Variants in FASTKD2 observed in about 807,000 individuals in gnomAD.
FASTKD2 encodes the protein FAST kinase domains 2.
FASTKD2 carries 51 observed loss-of-function variants against 63.6 expected under a neutral mutation model. The observed-to-expected ratio is 0.80, with a 90% confidence interval of 0.64 to 1.01. FASTKD2 has a LOEUF of 1.01. Ranked by LOEUF, FASTKD2 falls within the 50% of genes least tolerant of loss-of-function variation. The pLI is 0.00. For missense variants in FASTKD2, 786 were observed against 831.1 expected (o/e 0.95, Z 0.67); for synonymous variants, 284 against 293.4 (o/e 0.97, Z 0.33).
At chr2:206,773,053 G>A (rs1204531865) in intron 6 of FASTKD2, among the ~76,000 whole-genome samples, 14 of 152,054 alleles carry the variant, frequency 9.2e-5, no homozygotes, top group African/African-American at 3.4e-4. Flanking sequence ...GGTGGCTCAC[G>A]CCTGTAATCC....
chr2:206,780,070 T>A (rs1486357800), intron 7 of FASTKD2, among the ~76,000 whole-genome samples: 1 of 152,238 alleles, frequency 6.6e-6, no homozygotes, highest in Non-Finnish European at 1.5e-5. Flanking sequence ...TCTTTTTATA[T>A]TGTATATCCA....
Position 206,771,969 on chromosome 2 carries a change from A to G in FASTKD2, c.1066A>G (p.Asn356Asp), listed in dbSNP as rs1468158800. ...QHMFEVLAAM[N>D]HRSLILLDEC... ...CATGTTTGAAGTACTAGCTGCCATG[A>G]ATCACCGATCTCTTATACTCCTGGA... The change falls in exon 5 of 12, where the codon AAT becomes GAT. Residue 356 changes from asparagine (N) to aspartate (D), a missense_variant. Transcript: ENST00000402774. 3.7e-6 allele frequency: 6 copies of G among 1,613,280 alleles called. No homozygotes were observed. The highest frequency in any genetic ancestry group is 4.2e-6 in the Non-Finnish European group (5 of 1,179,210).
In FASTKD2 at chr2:206,770,142, T is replaced by C. The variant is rs1574663076; in HGVS notation, c.829T>C (p.Leu277=). The part of the protein sequence containing the change: ...EICLSVLSTV[L]EAMEPCKNVH... ...ATGCCTTTCAGTTTTGTCAACTGTTTTAGAGGCAATGGAACCATGCAAGAA... is the reference window on the plus strand; with the variant it reads ...ATGCCTTTCAGTTTTGTCAACTGTTCTAGAGGCAATGGAACCATGCAAGAA... Residue 277 remains leucine, a synonymous_variant, in exon 3 of 12, where the codon TTA becomes CTA. Coordinates refer to ENST00000402774, the MANE Select transcript of FASTKD2 (RefSeq NM_001136193.2). 1 of 1,612,580 alleles carries C rather than the reference T, an allele frequency of 6.2e-7. No homozygotes were observed. Among genetic ancestry groups the C allele is most frequent in the East Asian group, 2.2e-5 (1 of 44,860 alleles).
chr2:206,770,230 C>G (rs1408993055), intron 3 of FASTKD2, 36 bp downstream of exon 3: 2 of 1,270,600 alleles, frequency 1.6e-6, no homozygotes, highest in Non-Finnish European at 2.3e-6. Flanking sequence ...ATGTGGTTTT[C>G]TTTGTTCCTC....
In FASTKD2 at chr2:206,791,852, A is replaced by G; in HGVS notation, c.*50A>G. ...AGGAGACATGCATTTGTAAAAATTA[A>G]TAAAGATGACAAGTCAGTTGTCAAT... On this transcript the variant is annotated 3_prime_UTR_variant, in exon 12 of 12. Coordinates refer to ENST00000402774, the MANE Select transcript of FASTKD2 (RefSeq NM_001136193.2). 6.4e-7 allele frequency: 1 copy of G among 1,561,826 alleles called. No homozygotes were observed. The highest frequency in any genetic ancestry group is 8.8e-7 in the Non-Finnish European group (1 of 1,140,488).
At position 206,778,641 on chromosome 2, in the gene FASTKD2, T is replaced by C. The variant is rs142345242; in HGVS notation, c.1427+4244T>C. 2.4e-3 allele frequency among the ~76,000 whole-genome samples: 370 copies of C among 152,060 alleles called. 4 individuals carry two copies. The highest frequency in any genetic ancestry group is 8.4e-3 in the African/African-American group (350 of 41,510). Reference sequence around the variant, plus strand: ...TGGTGCTATTGGCTGGAATGTTCTGTATGTGTCTGTTATATCCATTTCATC... The same window carrying C: ...TGGTGCTATTGGCTGGAATGTTCTGCATGTGTCTGTTATATCCATTTCATC... On this transcript the variant is annotated intron_variant, in intron 7 of 11. Transcript: ENST00000402774.
At chr2:206,779,993 ACTTC>A (rs1396169313) in intron 7 of FASTKD2, among the ~76,000 whole-genome samples, 3 of 152,314 alleles carry the variant, frequency 2.0e-5, no homozygotes, top group Admixed American at 2.0e-4. Context: ...AAACAACTTA[ACTTC>A]CATTGCATAC....
intron 7 of FASTKD2, among the ~76,000 whole-genome samples, chr2:206,774,889 G>A (rs1270015501): frequency 6.6e-6 from 1 of 151,836 alleles, no homozygotes; most frequent in Non-Finnish European, 1.5e-5. Flanking sequence ...TATACCTGTT[G>A]AATAGCAACT....
At chr2:206,790,290 G>T in intron 10 of FASTKD2, 4 of 369,290 alleles carry the variant, frequency 1.1e-5, no homozygotes, top group South Asian at 1.0e-4. Flanking sequence ...CTTAAAATTG[G>T]TGCTTTCATG....
chr2:206,781,694 G>A (rs1240810329), intron 7 of FASTKD2, among the ~76,000 whole-genome samples: 1 of 136,060 alleles, frequency 7.3e-6, no homozygotes, highest in African/African-American at 2.8e-5. Context: ...TTTTTTTCCA[G>A]TATCAGGGAA....
chr2:206,781,304 ATTTTTTTTT>A (rs71034473), intron 7 of FASTKD2, among the ~76,000 whole-genome samples: 1,402 of 75,928 alleles, frequency 0.018, 24 homozygotes, highest in African/African-American at 0.05. Context: ...TTTTTCTATG[ATTTTTTTTT>A]TTTTTTTTTT....
chr2:206,771,127 TTTTC>T, intron 3 of FASTKD2, 51 bp from the exon 4 acceptor site: 1 of 1,118,644 alleles, frequency 8.9e-7, no homozygotes, highest in South Asian at 1.3e-5. Flanking sequence ...ATTTTAAGAT[TTTTC>T]TTCTGCTTTG....
rs773204760 is a variant in FASTKD2, at chr2:206,767,110, C to T, written c.417C>T (p.Val139=). Residue 139 remains valine (V), a synonymous_variant, in exon 2 of 12, where the codon GTC becomes GTT. Transcript: ENST00000402774. The part of the protein sequence containing the change: ...ELKKVNLNHE[V]SNEDVLTKET... Reference sequence around the variant, plus strand: ...AGAAAGTAAACCTTAATCATGAAGTCTCCAATGAAGATGTTCTTACCAAGG... The same window carrying T: ...AGAAAGTAAACCTTAATCATGAAGTTTCCAATGAAGATGTTCTTACCAAGG... 1.9e-6 allele frequency: 3 copies of T among 1,614,006 alleles called. No homozygotes were observed. The highest frequency in any genetic ancestry group is 2.5e-6 in the Non-Finnish European group (3 of 1,179,904).
rs1690326002 is a variant in FASTKD2 at position 206,792,873 on chromosome 2, T to C, written c.*1071T>C. Among the ~76,000 whole-genome samples, 1 of 152,168 alleles carries C rather than the reference T, an allele frequency of 6.6e-6. No homozygotes were observed. The highest frequency in any genetic ancestry group is 1.5e-5 in the Non-Finnish European group (1 of 68,022). On this transcript the variant is annotated 3_prime_UTR_variant, in exon 12 of 12. Transcript: ENST00000402774. ...ATCAGGATAGGTATTTGCCCAAGGC[T>C]ACACAGAGTAGGGGAGGGCTGGAGT...
At position 206,793,378 on chromosome 2, in the gene FASTKD2, G is replaced by A. The variant is rs1021840855; in HGVS notation, c.*1576G>A. Reference sequence around the variant, plus strand: ...TAATTGTTACTTCCCTCATTTTATGGACGAGGAAGATAAGGCTCAAAGAAT... The same window carrying A: ...TAATTGTTACTTCCCTCATTTTATGAACGAGGAAGATAAGGCTCAAAGAAT... On this transcript the variant is annotated 3_prime_UTR_variant, in exon 12 of 12. Coordinates refer to ENST00000402774, the MANE Select transcript of FASTKD2 (RefSeq NM_001136193.2). Among the ~76,000 whole-genome samples, 5 of 152,094 alleles carry A rather than the reference G, an allele frequency of 3.3e-5. No homozygotes were observed. The highest frequency in any genetic ancestry group is 1.2e-4 in the African/African-American group (5 of 41,416).
rs1559368027 is a variant in FASTKD2, at chr2:206,792,088, A to G, written c.*286A>G. 2.2e-5 allele frequency: 9 copies of G among 402,366 alleles called. No homozygotes were observed. In the East Asian group the frequency reaches 5.1e-4, roughly 23 times the overall value. 24.9% of individuals were successfully genotyped at this position (402,366 alleles called of 1,614,324 possible). On this transcript the variant is annotated 3_prime_UTR_variant, in exon 12 of 12. Coordinates refer to ENST00000402774, the MANE Select transcript of FASTKD2 (RefSeq NM_001136193.2). ...CACCTTTTCATCTTTGATCTACTAA[A>G]AACTGGTTTCTTAGTTGTGAGGTGT...
At position 206,792,698 on chromosome 2, in the gene FASTKD2, C is replaced by G. The variant is rs1396720470; in HGVS notation, c.*896C>G. ...ATGCAAGTTGGTGTTATTCTGCCCC[C>G]AAGCACACAGACATGCAATTACTAG... is the stretch of plus-strand genomic sequence containing the variant. On this transcript the variant is annotated 3_prime_UTR_variant, in exon 12 of 12. Coordinates refer to ENST00000402774, the MANE Select transcript of FASTKD2 (RefSeq NM_001136193.2). Among the ~76,000 whole-genome samples the G allele has an allele frequency of 6.6e-6, 1 of 152,162 alleles. No individual in the cohort carries two copies. Among genetic ancestry groups the G allele is most frequent in the Non-Finnish European group, 1.5e-5 (1 of 68,036 alleles).
intron 7 of FASTKD2, among the ~76,000 whole-genome samples, chr2:206,782,138 C>T (rs755462236): frequency 1.1e-4 from 17 of 152,156 alleles, no homozygotes; most frequent in Non-Finnish European, 1.9e-4. Flanking sequence ...AATCCAGCCC[C>T]TAGGGCAGCA....
At chr2:206,766,281 AAAAAC>A (rs1689459823) in intron 1 of FASTKD2, among the ~76,000 whole-genome samples, 2 of 151,018 alleles carry the variant, frequency 1.3e-5, no homozygotes, top group Non-Finnish European at 2.9e-5. Context: ...AAAAAAAAAA[AAAAAC>A]AGAGAAGAGA....
Sources: allele counts gnomAD v4.1 joint callset (sites outside exome capture counted in the v4.1 genomes callset), GRCh38; gene constraint gnomAD v4.1.1; transcripts MANE v1.5; gene names NCBI Gene and HGNC (gene_info 2026-07-23, HGNC 2026-07-21).